GALNT17: variants seen among roughly 807,000 people sequenced by gnomAD.
GALNT17 encodes UDP-GalNAc:polypeptide N-acetylgalactosaminyltransferase-like 3.
A neutral mutation model predicts 63.7 loss-of-function variants in GALNT17; 29 were observed. The observed-to-expected ratio is 0.46, with a 90% CI of 0.34 to 0.62. The LOEUF (loss-of-function observed/expected upper bound fraction) is 0.62. GALNT17 is among the 20% of genes least tolerant of loss of function. The pLI is 0.01. For synonymous variants in GALNT17, 305 were observed against 318.3 expected (o/e 0.96, Z 0.45); for missense variants, 603 against 799.6 (o/e 0.75, Z 2.97).
intron 2 of GALNT17, among the ~76,000 whole-genome samples, chr7:71,359,746 G>T (rs780582447): frequency 3.1e-4 from 47 of 151,930 alleles, no homozygotes; most frequent in Non-Finnish European, 5.7e-4. Context: ...ACCATACCCG[G>T]CTAATTTTTG....
chr7:71,642,373 T>C (rs1439886927), intron 6 of GALNT17, among the ~76,000 whole-genome samples: 1 of 152,218 alleles, frequency 6.6e-6, no homozygotes, highest in Non-Finnish European at 1.5e-5. Flanking sequence ...GTGTTTTAAG[T>C]GTTTCAATGG....
chr7:71,677,454 T>A (rs1791170111), intron 9 of GALNT17, 148 bp downstream of exon 9: 1 of 689,358 alleles, frequency 1.5e-6, no homozygotes, highest in South Asian at 2.0e-5. Flanking sequence ...GTAGGAGTCT[T>A]TCTGGTTATT....
intron 9 of GALNT17, among the ~76,000 whole-genome samples, chr7:71,680,663 CTT>C (rs1791242353): frequency 4.9e-5 from 2 of 40,780 alleles, no homozygotes; most frequent in African/African-American, 1.5e-4. Flanking sequence ...TCCTTCCTTC[CTT>C]TCTTCCTTTC....
intron 6 of GALNT17, among the ~76,000 whole-genome samples, chr7:71,584,343 A>G (rs1789683523): frequency 6.6e-6 from 1 of 152,174 alleles, no homozygotes; most frequent in Non-Finnish European, 1.5e-5. Flanking sequence ...AACATTTTTG[A>G]TGGAAAACTT....
intron 6 of GALNT17, among the ~76,000 whole-genome samples, chr7:71,583,337 G>A (rs1349385959): frequency 1.3e-5 from 2 of 152,074 alleles, no homozygotes; most frequent in African/African-American, 4.8e-5. Flanking sequence ...CTCATGATCC[G>A]CCCACCTCGG....
intron 1 of GALNT17, among the ~76,000 whole-genome samples, chr7:71,316,849 G>A (rs747833122): frequency 6.6e-6 from 1 of 152,162 alleles, no homozygotes; most frequent in Non-Finnish European, 1.5e-5. Flanking sequence ...GGATGTACAT[G>A]TTCTGTAGGT....
chr7:71,325,470 C>T (rs1245891338), intron 1 of GALNT17, among the ~76,000 whole-genome samples: 1 of 152,150 alleles, frequency 6.6e-6, no homozygotes, highest in Non-Finnish European at 1.5e-5. Context: ...GCTGTGGTCA[C>T]CATCTATCCT....
intron 7 of GALNT17, among the ~76,000 whole-genome samples, chr7:71,669,271 T>C (rs1252976001): frequency 6.6e-6 from 1 of 152,098 alleles, no homozygotes; most frequent in Non-Finnish European, 1.5e-5. Context: ...ATCCCAGCTC[T>C]CTGGGAGGCC....
At chr7:71,577,957 C>T (rs936323995) in intron 6 of GALNT17, among the ~76,000 whole-genome samples, 2 of 152,152 alleles carry the variant, frequency 1.3e-5, no homozygotes, top group African/African-American at 4.8e-5. Flanking sequence ...ACTGAGATCA[C>T]ATCAGCAGTG....
intron 9 of GALNT17, among the ~76,000 whole-genome samples, chr7:71,695,532 C>T (rs865811498): frequency 6.6e-6 from 1 of 152,048 alleles, no homozygotes; most frequent in Non-Finnish European, 1.5e-5. Context: ...TATATGGAAG[C>T]GTAAGGTAAA....
At chr7:71,333,708 C>G (rs1583868699) in intron 1 of GALNT17, among the ~76,000 whole-genome samples, 1 of 152,202 alleles carries the variant, frequency 6.6e-6, no homozygotes, top group African/African-American at 2.4e-5. Context: ...ACCATGTTGG[C>G]CAGGCTGGTC....
intron 2 of GALNT17, among the ~76,000 whole-genome samples, chr7:71,360,357 A>T (rs930942356): frequency 6.7e-6 from 1 of 150,356 alleles, no homozygotes; most frequent in African/African-American, 2.4e-5. Flanking sequence ...AAAGGAAAAC[A>T]TGTGATTTCC....
At position 71,594,334 on chromosome 7, in the gene GALNT17, G is replaced by A. The variant is rs375620409; in HGVS notation, c.1080+22932G>A. On this transcript the variant is annotated intron_variant, in intron 6 of 10. Coordinates refer to ENST00000333538, the MANE Select transcript of GALNT17 (RefSeq NM_022479.3). ...AGACAGAGTCTCGCTCTGTCACCCA[G>A]GCTGGAGTGCAGTGGCACAATCTCG... Among the ~76,000 whole-genome samples, 11 of 152,214 alleles carry A rather than the reference G, an allele frequency of 7.2e-5. No individual in the cohort carries two copies. The East Asian group carries it at 1.9e-3, about 27-fold the overall frequency.
chr7:71,454,909 T>A (rs114651412), intron 5 of GALNT17, among the ~76,000 whole-genome samples: 2,846 of 152,194 alleles, frequency 0.019, 37 homozygotes, highest in African/African-American at 0.029. Flanking sequence ...CACACACCTA[T>A]AATCCAAGCA....
chr7:71,491,884 C>T (rs979030250), intron 5 of GALNT17, among the ~76,000 whole-genome samples: 1 of 152,148 alleles, frequency 6.6e-6, no homozygotes, highest in Non-Finnish European at 1.5e-5. Context: ...GGGCCAGGCT[C>T]AGTGGCTCAC....
At position 71,491,876 on chromosome 7, in the gene GALNT17, G is replaced by A. The variant is rs558716544; in HGVS notation, c.962+70771G>A. On this transcript the variant is annotated intron_variant, in intron 5 of 10. Transcript: ENST00000333538. ...TGTCCTTCTGGAAGCGTGAACTTGGGCCAGGCTCAGTGGCTCACACCTGTA... is the reference window on the plus strand; with the variant it reads ...TGTCCTTCTGGAAGCGTGAACTTGGACCAGGCTCAGTGGCTCACACCTGTA... Among the ~76,000 whole-genome samples the A allele has an allele frequency of 2.6e-5, 4 of 152,298 alleles. No homozygotes were observed. In the South Asian group the frequency reaches 6.2e-4, roughly 24 times the overall value.
chr7:71,321,867 T>TTCCC (rs1272306510), intron 1 of GALNT17, among the ~76,000 whole-genome samples: 4,563 of 46,894 alleles, frequency 0.097, 425 homozygotes, highest in African/African-American at 0.25. Flanking sequence ...CCTTCCTTCC[T>TTCCC]TTCCTTCCTT....
At chr7:71,659,404 C>T (rs965925503) in intron 6 of GALNT17, among the ~76,000 whole-genome samples, 1 of 152,228 alleles carries the variant, frequency 6.6e-6, no homozygotes, top group Non-Finnish European at 1.5e-5. Flanking sequence ...TATGCACACA[C>T]TGGCATTCCA....
intron 6 of GALNT17, among the ~76,000 whole-genome samples, chr7:71,653,646 A>G (rs1790785203): frequency 6.6e-6 from 1 of 152,002 alleles, no homozygotes; most frequent in Non-Finnish European, 1.5e-5. Context: ...ACCTCAGGTG[A>G]TCCACCTGCC....
Sources: allele counts gnomAD v4.1 joint callset (sites outside exome capture counted in the v4.1 genomes callset), GRCh38; gene constraint gnomAD v4.1.1; transcripts MANE v1.5; gene names NCBI Gene and HGNC (gene_info 2026-07-23, HGNC 2026-07-21).